The following KCTD8 variants were observed in gnomAD, a reference collection of about 807,000 sequenced individuals.
KCTD8 encodes potassium channel tetramerization domain containing 8.
KCTD8 carries 27 observed loss-of-function variants against 31.5 expected under a neutral mutation model. The observed-to-expected ratio is 0.86, with a 90% confidence interval of 0.63 to 1.18. KCTD8 has a LOEUF of 1.18. KCTD8 is among the 50% of genes most tolerant of loss of function. KCTD8 has a pLI of 0.00. For synonymous variants in KCTD8, 290 were observed against 280.0 expected (o/e 1.04, Z -0.36); for missense variants, 658 against 647.7 (o/e 1.02, Z -0.17).
At chr4:44,271,800 C>T (rs1245957275) in intron 1 of KCTD8, among the ~76,000 whole-genome samples, 1 of 152,032 alleles carries the variant, frequency 6.6e-6, no homozygotes, top group African/African-American at 2.4e-5. Flanking sequence ...TCTATAGAAA[C>T]AATGTTTATC....
chr4:44,302,561 T>C (rs1717660553), intron 1 of KCTD8, among the ~76,000 whole-genome samples: 1 of 152,064 alleles, frequency 6.6e-6, no homozygotes, highest in Non-Finnish European at 1.5e-5. Flanking sequence ...TTTTTGTACA[T>C]TGATTTTGTA....
chr4:44,242,441 G>A lies in KCTD8; in HGVS notation c.962-67191C>T, dbSNP rs1175163633. 3.3e-5 allele frequency among the ~76,000 whole-genome samples: 5 copies of A among 152,058 alleles called. No homozygotes were observed. In the South Asian group the frequency reaches 6.2e-4, roughly 19 times the overall value. On this transcript the variant is annotated intron_variant, in intron 1 of 1. Transcript: ENST00000360029. ...AAAATACAAAAAATTAGCTGGGCGC[G>A]GTGGCTGGCTCCTGTAGTCCCAGCT...
chr4:44,236,932 C>T (rs1254526785), intron 1 of KCTD8, among the ~76,000 whole-genome samples: 3 of 152,122 alleles, frequency 2.0e-5, no homozygotes, highest in Non-Finnish European at 1.5e-5. Context: ...GCTTGGCTTT[C>T]GTTCTCTTTT....
At chr4:44,378,225 A>G (rs534319341) in intron 1 of KCTD8, among the ~76,000 whole-genome samples, 82 of 124,074 alleles carry the variant, frequency 6.6e-4, no homozygotes, top group African/African-American at 2.5e-3. Context: ...TATATTTTAT[A>G]TATATATGTA....
intron 1 of KCTD8, among the ~76,000 whole-genome samples, chr4:44,400,785 T>C (rs1720630518): frequency 6.6e-6 from 1 of 151,550 alleles, no homozygotes; most frequent in African/African-American, 2.4e-5. Context: ...AATCAATCTC[T>C]TGGGAATTCA....
chr4:44,425,258 C>A (rs530688643), intron 1 of KCTD8, among the ~76,000 whole-genome samples: 1 of 151,950 alleles, frequency 6.6e-6, no homozygotes, highest in Non-Finnish European at 1.5e-5. Context: ...AACCCATTTA[C>A]CATAGATTAA....
intron 1 of KCTD8, among the ~76,000 whole-genome samples, chr4:44,181,902 G>A (rs533571312): frequency 5.6e-4 from 83 of 148,428 alleles, no homozygotes; most frequent in Admixed American, 1.2e-3. Context: ...CCTGGCAGCC[G>A]CCCCATCTGA....
chr4:44,345,627 A>G (rs775604603), intron 1 of KCTD8, among the ~76,000 whole-genome samples: 3 of 152,162 alleles, frequency 2.0e-5, no homozygotes, highest in Non-Finnish European at 4.4e-5. Flanking sequence ...AAAAATCAAA[A>G]AGTTTATACA....
intron 1 of KCTD8, among the ~76,000 whole-genome samples, chr4:44,234,662 C>T (rs139991587): frequency 1.3e-3 from 201 of 152,284 alleles, no homozygotes; most frequent in African/African-American, 4.6e-3. Flanking sequence ...CAGAAAGTCA[C>T]TCTCTTTTGC....
intron 1 of KCTD8, among the ~76,000 whole-genome samples, chr4:44,373,449 ACTCT>A (rs1001431533): frequency 6.6e-6 from 1 of 151,730 alleles, no homozygotes; most frequent in Admixed American, 6.6e-5. Context: ...CAACTCACTC[ACTCT>A]ATGATTCTCG....
At chr4:44,356,412 T>A (rs1719343921) in intron 1 of KCTD8, among the ~76,000 whole-genome samples, 1 of 152,210 alleles carries the variant, frequency 6.6e-6, no homozygotes, top group African/African-American at 2.4e-5. Flanking sequence ...ATTAATCCCA[T>A]AGATAGATCT....
At chr4:44,253,452 CT>C (rs1382154132) in intron 1 of KCTD8, among the ~76,000 whole-genome samples, 4 of 151,748 alleles carry the variant, frequency 2.6e-5, no homozygotes, top group African/African-American at 9.7e-5. Context: ...AGTTTGTGTC[CT>C]CTTCTTTATA....
intron 1 of KCTD8, among the ~76,000 whole-genome samples, chr4:44,303,398 C>A (rs1403416635): frequency 1.3e-5 from 2 of 152,008 alleles, no homozygotes; most frequent in Non-Finnish European, 2.9e-5. Context: ...AATTTCAGAT[C>A]CTGTTATTGG....
At chr4:44,357,756 T>A (rs942983757) in intron 1 of KCTD8, among the ~76,000 whole-genome samples, 3 of 151,820 alleles carry the variant, frequency 2.0e-5, no homozygotes, top group Non-Finnish European at 4.4e-5. Flanking sequence ...TAAGTAGAGA[T>A]TTTTTTTCAT....
intron 1 of KCTD8, among the ~76,000 whole-genome samples, chr4:44,283,308 C>A (rs1338999348): frequency 6.6e-6 from 1 of 152,002 alleles, no homozygotes; most frequent in Non-Finnish European, 1.5e-5. Flanking sequence ...CTGTGGCCTC[C>A]CAAAGTGCTT....
intron 1 of KCTD8, among the ~76,000 whole-genome samples, chr4:44,284,210 T>G (rs1388769775): frequency 6.6e-6 from 1 of 152,082 alleles, no homozygotes; most frequent in African/African-American, 2.4e-5. Context: ...GAACGCATCA[T>G]GTTACCTGAC....
Position 44,447,645 on chromosome 4 carries a change from ACACGCCAC to A in KCTD8, c.871_878del (p.Val291Ter). 6.2e-7 allele frequency: 1 copy of A among 1,610,462 alleles called. No homozygotes were observed. The highest frequency in any genetic ancestry group is 8.5e-7 in the Non-Finnish European group (1 of 1,178,576). Reference sequence around the variant, plus strand: ...CGAAGGCGGCGGTGCCCGAGGAGTTACACGCCACCATGTGGAAGCCGGCCTCGGACAGG... The same window carrying A: ...CGAAGGCGGCGGTGCCCGAGGAGTTACATGTGGAAGCCGGCCTCGGACAGG... On this transcript the variant is annotated frameshift_variant, in exon 1 of 2. Transcript: ENST00000360029. LOFTEE classifies it high-confidence loss of function.
At chr4:44,396,860 C>A (rs1469708525) in intron 1 of KCTD8, among the ~76,000 whole-genome samples, 1 of 152,090 alleles carries the variant, frequency 6.6e-6, no homozygotes, top group African/African-American at 2.4e-5. Context: ...AACTAATGAA[C>A]TCAACTGATA....
At chr4:44,238,379 G>A (rs1715352013) in intron 1 of KCTD8, among the ~76,000 whole-genome samples, 1 of 152,106 alleles carries the variant, frequency 6.6e-6, no homozygotes, top group South Asian at 2.1e-4. Context: ...ATTCATGGAT[G>A]GGATTGTTTG....
Sources: gnomAD v4.1 joint callset for allele counts (sites outside exome capture counted in the v4.1 genomes callset) on GRCh38, gnomAD v4.1.1 for gene constraint, MANE v1.5 for transcripts, NCBI Gene and HGNC (gene_info 2026-07-23, HGNC 2026-07-21) for gene names.